FRMD4A: variants seen among roughly 807,000 people sequenced by gnomAD.
The protein encoded by FRMD4A is FERM domain containing 4A.
Under a neutral mutation model 129.1 loss-of-function variants are expected in FRMD4A, and 29 were observed. That is an observed-to-expected ratio of 0.22 (90% CI 0.17 to 0.31). The LOEUF (loss-of-function observed/expected upper bound fraction) is 0.31. Ranked by LOEUF, FRMD4A falls within the 10% of genes least tolerant of loss-of-function variation. The pLI, the probability that FRMD4A is intolerant of heterozygous loss-of-function variation, is 1.00. For missense variants in FRMD4A, 1,272 were observed against 1,375.8 expected, an observed-to-expected ratio of 0.92 and a Z score of 1.19; for synonymous variants, 634 against 571.6, an observed-to-expected ratio of 1.11 and a Z score of -1.56.
intron 2 of FRMD4A, among the ~76,000 whole-genome samples, chr10:14,027,411 C>T (rs552275024): frequency 1.8e-4 from 28 of 152,228 alleles, no homozygotes; most frequent in Admixed American, 5.9e-4. Context: ...GAGGCCGAGG[C>T]GGGTGGACAG....
rs7905865 is a variant in FRMD4A, at chr10:13,904,288, T to C, written c.46-45376A>G. Among the ~76,000 whole-genome samples, 651 of 152,328 alleles carry C rather than the reference T, an allele frequency of 4.3e-3. 8 individuals carry two copies. The highest frequency in any genetic ancestry group is 0.015 in the African/African-American group (615 of 41,560). ...ACAGGCCCCTGTGCTTCTTGCCTTC[T>C]TGCTTTCGCACGGCCGTACATCTGC... On this transcript the variant is annotated intron_variant, in intron 2 of 24. Transcript: ENST00000357447.
intron 2 of FRMD4A, among the ~76,000 whole-genome samples, chr10:14,312,907 G>A (rs1846604817): frequency 6.6e-6 from 1 of 151,980 alleles, no homozygotes. Context: ...TAACACTATT[G>A]GAATTGACAA....
chr10:14,142,433 G>A (rs544328867), intron 2 of FRMD4A, among the ~76,000 whole-genome samples: 1 of 152,324 alleles, frequency 6.6e-6, no homozygotes, highest in South Asian at 2.1e-4. Context: ...CTTAAAGTCT[G>A]ACTACTGTCA....
chr10:13,771,640 G>A (rs530694988), intron 6 of FRMD4A, among the ~76,000 whole-genome samples: 1 of 152,286 alleles, frequency 6.6e-6, no homozygotes, highest in East Asian at 1.9e-4. Flanking sequence ...GAAAAATGCT[G>A]GTACCAACTT....
At chr10:13,813,892 G>C (rs1477404139) in intron 3 of FRMD4A, among the ~76,000 whole-genome samples, 2 of 152,216 alleles carry the variant, frequency 1.3e-5, no homozygotes, top group African/African-American at 4.8e-5. Context: ...ACCATCATAG[G>C]TTAGGGACAG....
intron 12 of FRMD4A, among the ~76,000 whole-genome samples, chr10:13,708,959 A>G (rs985241234): frequency 4.6e-5 from 7 of 152,070 alleles, no homozygotes; most frequent in African/African-American, 1.7e-4. Flanking sequence ...TTTGAATCCA[A>G]GCTCCACTAC....
chr10:13,802,180 C>A (rs549461201), intron 4 of FRMD4A, among the ~76,000 whole-genome samples: 2 of 152,256 alleles, frequency 1.3e-5, no homozygotes, highest in East Asian at 3.9e-4. Context: ...AGAAATTGGA[C>A]GCATTCATTT....
chr10:14,195,635 A>C (rs1421400539), intron 2 of FRMD4A, among the ~76,000 whole-genome samples: 1 of 152,210 alleles, frequency 6.6e-6, no homozygotes, highest in African/African-American at 2.4e-5. Flanking sequence ...CCCCCGTTGC[A>C]GGGGGAATCA....
At chr10:14,221,406 G>C (rs895373177) in intron 2 of FRMD4A, among the ~76,000 whole-genome samples, 1 of 152,178 alleles carries the variant, frequency 6.6e-6, no homozygotes, top group African/African-American at 2.4e-5. Context: ...ATTCAGCTCA[G>C]GAGTTATACC....
At chr10:14,227,017 G>T (rs553424281) in intron 2 of FRMD4A, among the ~76,000 whole-genome samples, 2 of 151,950 alleles carry the variant, frequency 1.3e-5, no homozygotes, top group African/African-American at 2.4e-5. Flanking sequence ...GGCCTGCCAC[G>T]ATCTAGTGCC....
chr10:14,000,243 G>A (rs2095636853), intron 2 of FRMD4A, among the ~76,000 whole-genome samples: 1 of 152,108 alleles, frequency 6.6e-6, no homozygotes, highest in African/African-American at 2.4e-5. Flanking sequence ...AAATAAAAGT[G>A]GATTGTTTTC....
rs562934204 is a variant in FRMD4A, at chr10:14,193,688, A to T, written c.45+136370T>A. Among the ~76,000 whole-genome samples the T allele has an allele frequency of 5.3e-4, 35 of 65,770 alleles. No homozygotes were observed. The South Asian group carries it at 0.013, about 25-fold the overall frequency. The allele number at this position is 65,770 out of a possible 152,430, so 43.1% of individuals were successfully genotyped here. On this transcript the variant is annotated intron_variant, in intron 2 of 24. Transcript: ENST00000357447. ...GACCAGCAGTGCTGGTCTACAAATT[A>T]AAAAAAAAAAAACTACAAATAATAT...
chr10:14,043,488 C>T (rs554591908), intron 2 of FRMD4A, among the ~76,000 whole-genome samples: 1 of 152,122 alleles, frequency 6.6e-6, no homozygotes, highest in Non-Finnish European at 1.5e-5. Context: ...TCCTCTATTC[C>T]TCTCTGATGT....
At chr10:14,112,753 T>G (rs1243827069) in intron 2 of FRMD4A, among the ~76,000 whole-genome samples, 3 of 152,228 alleles carry the variant, frequency 2.0e-5, no homozygotes, top group Admixed American at 6.5e-5. Context: ...CTTGAACTCC[T>G]GACCTCAGGT....
chr10:14,131,903 C>T (rs1839278871), intron 2 of FRMD4A, among the ~76,000 whole-genome samples: 1 of 152,152 alleles, frequency 6.6e-6, no homozygotes, highest in Non-Finnish European at 1.5e-5. Flanking sequence ...GCACCTCCAT[C>T]GCCCTGACCG....
rs184304593 is a variant in FRMD4A, at chr10:14,119,362, C to T, written c.45+210696G>A. Among the ~76,000 whole-genome samples, 302 of 152,202 alleles carry T rather than the reference C, an allele frequency of 2.0e-3. 3 individuals carry two copies. The highest frequency in any genetic ancestry group is 6.8e-3 in the African/African-American group (283 of 41,510). On this transcript the variant is annotated intron_variant, in intron 2 of 24. Coordinates refer to ENST00000357447, the MANE Select transcript of FRMD4A (RefSeq NM_018027.5). ...AACAGAACCTGTTACCAGCAGGAGA[C>T]GGAATGGTGGGGCCAAACCCCAGGT...
Position 13,994,097 on chromosome 10 carries a change from C to T in FRMD4A, c.46-135185G>A, listed in dbSNP as rs1259491612. ...CGATCTTGGCTCACTGCAACCTTCA[C>T]CTCCCGGGTTCAGCGATTCTGCTGT... On this transcript the variant is annotated intron_variant, in intron 2 of 24. Coordinates refer to ENST00000357447, the MANE Select transcript of FRMD4A (RefSeq NM_018027.5). Among the ~76,000 whole-genome samples the T allele has an allele frequency of 6.7e-5, 10 of 150,308 alleles. No individual in the cohort carries two copies. In the Admixed American group the frequency reaches 6.7e-4, roughly 10 times the overall value.
At chr10:14,251,007 C>T (rs1048128244) in intron 2 of FRMD4A, among the ~76,000 whole-genome samples, 5 of 152,178 alleles carry the variant, frequency 3.3e-5, no homozygotes, top group Admixed American at 2.6e-4. Flanking sequence ...AAAACCTGGC[C>T]TCTTTCAAGA....
chr10:14,276,359 G>T (rs984766285), intron 2 of FRMD4A, among the ~76,000 whole-genome samples: 4 of 152,122 alleles, frequency 2.6e-5, no homozygotes, highest in Non-Finnish European at 4.4e-5. Context: ...ACTCAACTTG[G>T]CAACTTCCTC....
Sources: allele counts gnomAD v4.1 joint callset (sites outside exome capture counted in the v4.1 genomes callset), GRCh38; gene constraint gnomAD v4.1.1; transcripts MANE v1.5; gene names NCBI Gene and HGNC (gene_info 2026-07-23, HGNC 2026-07-21).